ODAPH: variants seen among roughly 807,000 people sequenced by gnomAD.
The protein encoded by ODAPH is amelogenesis imperfecta type IIA4.
ODAPH carries 2 observed loss-of-function variants against 2.8 expected under a neutral mutation model. The observed-to-expected ratio is 0.72, with a 90% CI of 0.30 to 2.28. The LOEUF (loss-of-function observed/expected upper bound fraction) is 2.28. Ranked by LOEUF, ODAPH falls within the 30% of genes most tolerant of loss-of-function variation. ODAPH has a pLI of 0.13. For synonymous variants in ODAPH, 75 were observed against 60.3 expected, an observed-to-expected ratio of 1.24 and a Z score of -1.13; for missense variants, 159 against 163.3, an observed-to-expected ratio of 0.97 and a Z score of 0.14.
At chr4:75,561,852 A>C (rs1226796989) in intron 1 of ODAPH, among the ~76,000 whole-genome samples, 2 of 152,128 alleles carry the variant, frequency 1.3e-5, no homozygotes, top group Non-Finnish European at 2.9e-5. Context: ...GTCGAAAAAA[A>C]AGAAACACAC....
chr4:75,562,714 A>T (rs13127958), intron 1 of ODAPH, among the ~76,000 whole-genome samples: 9 of 151,806 alleles, frequency 5.9e-5, no homozygotes, highest in African/African-American at 2.2e-4. Flanking sequence ...TAAAGAAAAG[A>T]TTACTTTTTT....
chr4:75,559,603 ATT>A, intron 1 of ODAPH, among the ~76,000 whole-genome samples: 1 of 152,340 alleles, frequency 6.6e-6, no homozygotes, highest in Admixed American at 6.5e-5. Context: ...ACATTTAAAT[ATT>A]TGACCTACTT....
chr4:75,564,419 AG>A lies in ODAPH; in HGVS notation c.374del (p.Ser125ThrfsTer38). 6.2e-7 allele frequency: 1 copy of A among 1,614,172 alleles called. No individual in the cohort carries two copies. Among genetic ancestry groups the A allele is most frequent in the South Asian group, 1.1e-5 (1 of 91,082 alleles). On this transcript the variant is annotated frameshift_variant, in exon 2 of 2. Transcript: ENST00000311623. LOFTEE classifies it high-confidence loss of function. ...CCCCAGAAGAAGACTCCAGAGAGGA[AG>A]CTCATCTGAGGAAAGCTGAGAGGGA... Reference protein sequence around the residue: ...YFPRRRLQRGSSSEES With the variant: ...YFPRRRLQRGXSSEES
intron 1 of ODAPH, among the ~76,000 whole-genome samples, chr4:75,560,036 CAA>C (rs1419036317): frequency 6.6e-6 from 1 of 152,136 alleles, no homozygotes; most frequent in Non-Finnish European, 1.5e-5. Flanking sequence ...GTTAGCCAGG[CAA>C]AGAGTGCTCT....
At position 75,556,131 on chromosome 4, in the gene ODAPH, G is replaced by A. The variant is rs765903378; in HGVS notation, c.49G>A (p.Val17Met). 3.1e-6 allele frequency: 5 copies of A among 1,614,196 alleles called. No individual in the cohort carries two copies. The highest frequency in any genetic ancestry group is 2.2e-5 in the South Asian group (2 of 91,074). ...CTACTGGTTACTGGTATGCTGGTTG[G>A]TGGTAACTGTGGCAGAAGGTAAGGG... The part of the protein sequence containing the change: ...FSYWLLVCWL[V>M]VTVAEGQEEV... Residue 17 changes from valine (V) to methionine (M), a missense_variant, in exon 1 of 2, where the codon GTG (valine) becomes ATG (methionine). By Grantham distance (21) the Val-to-Met change is conservative. Coordinates refer to ENST00000311623, the MANE Select transcript of ODAPH (RefSeq NM_178497.5).
chr4:75,556,632 A>G (rs1727349089), intron 1 of ODAPH: 1 of 1,445,742 alleles, frequency 6.9e-7, no homozygotes, highest in Non-Finnish European at 9.4e-7. Context: ...ACATCTATTG[A>G]GCTGCATTTT....
At chr4:75,560,751 C>A (rs901359924) in intron 1 of ODAPH, among the ~76,000 whole-genome samples, 3 of 152,158 alleles carry the variant, frequency 2.0e-5, no homozygotes, top group Admixed American at 6.5e-5. Flanking sequence ...GCTCTGAAAC[C>A]CAATTGTTAG....
intron 1 of ODAPH, among the ~76,000 whole-genome samples, chr4:75,563,005 CTTTTTTTTTTTTTTTT>C (rs542417085): frequency 4.1e-3 from 242 of 59,548 alleles, no homozygotes; most frequent in African/African-American, 0.015. Context: ...ATCCACACAT[CTTTTTTTTTTTTTTTT>C]TTTTTTTTTT....
At chr4:75,558,710 T>C (rs369652489) in intron 1 of ODAPH, among the ~76,000 whole-genome samples, 37 of 152,184 alleles carry the variant, frequency 2.4e-4, no homozygotes, top group African/African-American at 8.7e-4. Flanking sequence ...GTATGTTTGT[T>C]TGAGACAGGG....
At chr4:75,565,537 G>A (rs1302842162), downstream of ODAPH, 2 of 152,100 alleles carry the variant, frequency 1.3e-5, no homozygotes, top group African/African-American at 2.4e-5. Context: ...CTCAACTCTT[G>A]GAACCTTGTA....
chr4:75,561,845 GAAA>G (rs1352339767), intron 1 of ODAPH, among the ~76,000 whole-genome samples: 1 of 151,626 alleles, frequency 6.6e-6, no homozygotes, highest in East Asian at 1.9e-4. Context: ...AGACTCCGTC[GAAA>G]AAAAAGAAAC....
At chr4:75,563,664 T>C (rs72869617) in intron 1 of ODAPH, among the ~76,000 whole-genome samples, 1,773 of 152,082 alleles carry the variant, frequency 0.012, 43 homozygotes, top group African/African-American at 0.041. Context: ...ATAAAGGGAG[T>C]CGTACAGTAT....
At chr4:75,562,697 A>G (rs1055957014) in intron 1 of ODAPH, among the ~76,000 whole-genome samples, 1 of 152,172 alleles carries the variant, frequency 6.6e-6, no homozygotes, top group South Asian at 2.1e-4. Flanking sequence ...GTGAAGGAAC[A>G]ATTTTCTAAA....
chr4:75,557,267 C>G lies in ODAPH; in HGVS notation c.67+1118C>G, dbSNP rs146612161. Among the ~76,000 whole-genome samples the G allele has an allele frequency of 3.2e-3, 481 of 152,244 alleles. 3 individuals carry two copies. The highest frequency in any genetic ancestry group is 0.011 in the African/African-American group (462 of 41,530). On this transcript the variant is annotated intron_variant, in intron 1 of 1. Coordinates refer to ENST00000311623, the MANE Select transcript of ODAPH (RefSeq NM_178497.5). ...GCCACTTTCTCTGCAAAAAGTGAAC[C>G]GCTCTTCAGGAGGCTTTGTAAACAC...
chr4:75,562,042 G>A (rs1727598262), intron 1 of ODAPH, among the ~76,000 whole-genome samples: 1 of 152,092 alleles, frequency 6.6e-6, no homozygotes, highest in Non-Finnish European at 1.5e-5. Context: ...TTCCACTGAC[G>A]TCTTCCACTG....
chr4:75,563,748 TC>T (rs1227938388), intron 1 of ODAPH, among the ~76,000 whole-genome samples: 1 of 152,242 alleles, frequency 6.6e-6, no homozygotes, highest in Non-Finnish European at 1.5e-5. Flanking sequence ...TAGTAGTTCT[TC>T]CTTTTTATCG....
chr4:75,565,532 C>T (rs1727779172), downstream of ODAPH: 1 of 152,174 alleles, frequency 6.6e-6, no homozygotes, highest in Non-Finnish European at 1.5e-5. Flanking sequence ...GTTCACTCAA[C>T]TCTTGGAACC....
rs952237922 is a variant in ODAPH, at chr4:75,560,645, G to A, written c.68-3469G>A. On this transcript the variant is annotated intron_variant, in intron 1 of 1. Coordinates refer to ENST00000311623, the MANE Select transcript of ODAPH (RefSeq NM_178497.5). ...ATTCCTGGGTAAGTGATTGAAGCAA[G>A]CTTATACCTTGATCTTGAACCCTTG... 2.6e-5 allele frequency among the ~76,000 whole-genome samples: 4 copies of A among 152,208 alleles called. 1 individual carries two copies. Among genetic ancestry groups the A allele is most frequent in the Admixed American group, 2.0e-4 (3 of 15,276 alleles).
Position 75,556,096 on chromosome 4 carries a change from A to C in ODAPH, c.14A>C (p.His5Pro). 1 of 1,614,172 alleles carries C rather than the reference A, an allele frequency of 6.2e-7. No homozygotes were observed. The highest frequency in any genetic ancestry group is 2.2e-5 in the East Asian group (1 of 44,884). ...TCAGTAGAAGCCATGGCTCGCAGAC[A>C]CTGCTTCTCCTACTGGTTACTGGTA... Reference protein sequence around the residue: MARRHCFSYWLLVCW... With the variant: MARRPCFSYWLLVCW... The change falls in exon 1 of 2, where the codon CAC becomes CCC. Residue 5 changes from histidine (H) to proline (P), a missense_variant. By Grantham distance (77) the His-to-Pro change is moderately conservative. Coordinates refer to ENST00000311623, the MANE Select transcript of ODAPH (RefSeq NM_178497.5).
Sources: gnomAD v4.1 joint callset for allele counts (sites outside exome capture counted in the v4.1 genomes callset) on GRCh38, gnomAD v4.1.1 for gene constraint, MANE v1.5 for transcripts, NCBI Gene and HGNC (gene_info 2026-07-23, HGNC 2026-07-21) for gene names.